Variants in DAB1 observed in about 807,000 individuals in gnomAD.
The protein encoded by DAB1 is disabled homolog 1.
DAB1 carries 15 observed loss-of-function variants against 64.6 expected under a neutral mutation model. The observed-to-expected ratio is 0.23, with a 90% CI of 0.16 to 0.36. The LOEUF is 0.36. DAB1 is among the 10% of genes least tolerant of loss of function. The pLI is 1.00. For missense variants in DAB1, 596 were observed against 706.7 expected, an observed-to-expected ratio of 0.84 and a Z score of 1.78; for synonymous variants, 235 against 251.9, an observed-to-expected ratio of 0.93 and a Z score of 0.64.
At chr1:57,928,028 A>C (rs1426096566) in intron 5 of DAB1, among the ~76,000 whole-genome samples, 36 of 152,204 alleles carry the variant, frequency 2.4e-4, no homozygotes, top group Non-Finnish European at 8.8e-5. Flanking sequence ...CTCAGTATGA[A>C]TATCATTAAC....
intron 7 of DAB1, among the ~76,000 whole-genome samples, chr1:57,596,835 A>G (rs1645515826): frequency 6.6e-6 from 1 of 152,236 alleles, no homozygotes. Context: ...TACATACACT[A>G]TTTAATGAAT....
At chr1:57,980,642 G>A (rs1459533722) in intron 5 of DAB1, among the ~76,000 whole-genome samples, 1 of 152,094 alleles carries the variant, frequency 6.6e-6, no homozygotes, top group Non-Finnish European at 1.5e-5. Flanking sequence ...GAAACTGTTA[G>A]TCTTGTAGAG....
chr1:57,636,104 AAAAAAAAAAC>A (rs1646051266), intron 7 of DAB1, among the ~76,000 whole-genome samples: 1 of 149,710 alleles, frequency 6.7e-6, no homozygotes. Flanking sequence ...CTCAAAAAAA[AAAAAAAAAAC>A]AAAAACAAAA....
intron 3 of DAB1, among the ~76,000 whole-genome samples, chr1:58,501,813 G>A (rs908400161): frequency 2.0e-5 from 3 of 152,092 alleles, no homozygotes; most frequent in Non-Finnish European, 4.4e-5. Flanking sequence ...TTGGAAATAA[G>A]GCCTAAAAGG....
chr1:57,300,136 G>A (rs910522702), intron 1 of DAB1, among the ~76,000 whole-genome samples: 1 of 152,186 alleles, frequency 6.6e-6, no homozygotes, highest in African/African-American at 2.4e-5. Context: ...TGTATTGGCT[G>A]GCAACAAATA....
intron 2 of DAB1, among the ~76,000 whole-genome samples, chr1:57,174,930 T>G (rs1481094228): frequency 6.6e-6 from 1 of 152,200 alleles, no homozygotes; most frequent in African/African-American, 2.4e-5. Context: ...GGAAGTTATT[T>G]CTATGAAAAA....
In DAB1 at chr1:57,954,503, G is replaced by A. The variant is rs115937687; in HGVS notation, n.388-70341C>T. On this transcript the variant is annotated intron_variant and non_coding_transcript_variant, in intron 5 of 20. Transcript: ENST00000485760. ...AGCCTCAAGAAGAAAGCGAGGCTAC[G>A]ATGGTAACCCAGTGAAACAGAACCA... 5.0e-3 allele frequency among the ~76,000 whole-genome samples: 762 copies of A among 152,232 alleles called. 6 individuals are homozygous for A. The highest frequency in any genetic ancestry group is 0.017 in the African/African-American group (718 of 41,548).
At chr1:57,644,368 T>C (rs557080275) in intron 7 of DAB1, among the ~76,000 whole-genome samples, 2 of 152,278 alleles carry the variant, frequency 1.3e-5, no homozygotes, top group East Asian at 1.9e-4. Flanking sequence ...GGTTAATTTC[T>C]TTTTTGCTGT....
At chr1:57,365,029 A>G (rs1250958347) in intron 1 of DAB1, among the ~76,000 whole-genome samples, 2 of 146,144 alleles carry the variant, frequency 1.4e-5, no homozygotes, top group Non-Finnish European at 3.0e-5. Context: ...GATTTTTATT[A>G]TTATTGTTCA....
intron 4 of DAB1, among the ~76,000 whole-genome samples, chr1:58,165,558 G>T (rs1028442772): frequency 7.2e-5 from 11 of 152,174 alleles, no homozygotes; most frequent in Admixed American, 1.3e-4. Flanking sequence ...AACAGAGCAT[G>T]CATGTTACCA....
At chr1:58,328,836 C>G (rs575447744) in intron 4 of DAB1, among the ~76,000 whole-genome samples, 56 of 152,238 alleles carry the variant, frequency 3.7e-4, no homozygotes, top group Non-Finnish European at 5.7e-4. Context: ...AAACTCCTGA[C>G]CTCGTGATCT....
intron 5 of DAB1, among the ~76,000 whole-genome samples, chr1:57,919,198 G>A (rs1056974376): frequency 7.2e-5 from 11 of 152,162 alleles, no homozygotes; most frequent in African/African-American, 2.7e-4. Context: ...AGGGTTGGGA[G>A]GGTTAAGGAG....
intron 5 of DAB1, among the ~76,000 whole-genome samples, chr1:57,950,565 G>C (rs145550538): frequency 3.3e-5 from 5 of 152,200 alleles, no homozygotes; most frequent in East Asian, 3.9e-4. Context: ...CCATCAAATA[G>C]AGTCTTGAAA....
intron 6 of DAB1, among the ~76,000 whole-genome samples, chr1:57,799,092 C>T (rs1039287968): frequency 7.9e-5 from 12 of 152,200 alleles, no homozygotes; most frequent in South Asian, 2.1e-4. Context: ...AGGCCAGTTA[C>T]ATAACCTCTC....
intron 7 of DAB1, among the ~76,000 whole-genome samples, chr1:57,602,689 C>A (rs1028134421): frequency 2.0e-5 from 3 of 152,060 alleles, no homozygotes; most frequent in African/African-American, 7.2e-5. Context: ...GATTAAGGTA[C>A]CTAAGAGGCA....
intron 3 of DAB1, among the ~76,000 whole-genome samples, chr1:58,445,754 G>A (rs975673321): frequency 6.6e-6 from 1 of 152,196 alleles, no homozygotes; most frequent in Non-Finnish European, 1.5e-5. Context: ...CTTAGGAAGC[G>A]TGTGATATCT....
At chr1:57,036,750 A>G (rs541254910) in intron 9 of DAB1, among the ~76,000 whole-genome samples, 2 of 152,358 alleles carry the variant, frequency 1.3e-5, no homozygotes, top group Admixed American at 6.5e-5. Context: ...ATATAAAAGA[A>G]GATATTCTCA....
At chr1:57,566,712 C>A (rs1645126391) in intron 7 of DAB1, among the ~76,000 whole-genome samples, 2 of 151,996 alleles carry the variant, frequency 1.3e-5, no homozygotes, top group African/African-American at 4.8e-5. Context: ...TACACCCTCC[C>A]AAGACTAAAC....
At chr1:57,314,601 T>G (rs546354485) in intron 1 of DAB1, among the ~76,000 whole-genome samples, 2 of 152,136 alleles carry the variant, frequency 1.3e-5, no homozygotes, top group South Asian at 4.2e-4. Context: ...ACGCTCTATC[T>G]CGTAAGGATG....
Sources: allele counts gnomAD v4.1 joint callset (sites outside exome capture counted in the v4.1 genomes callset), GRCh38; gene constraint gnomAD v4.1.1; transcripts MANE v1.5; gene names NCBI Gene and HGNC (gene_info 2026-07-23, HGNC 2026-07-21).